The following NOS1 variants were observed in gnomAD, a reference collection of about 807,000 sequenced individuals.
NOS1 encodes nitric oxide synthase 1.
NOS1 carries 51 observed loss-of-function variants against 164.5 expected under a neutral mutation model. That is an observed-to-expected ratio of 0.31 (90% CI 0.25 to 0.39). The LOEUF is 0.39. NOS1 is among the 10% of genes least tolerant of loss of function. The pLI, the probability that NOS1 is intolerant of heterozygous loss-of-function variation, is 1.00. For missense variants in NOS1, 1,362 were observed against 1,885.6 expected (o/e 0.72, Z 5.14); for synonymous variants, 719 against 745.8 (o/e 0.96, Z 0.59).
At chr12:117,275,274 T>TTC (rs58421488) in intron 9 of NOS1, among the ~76,000 whole-genome samples, 2,277 of 150,154 alleles carry the variant, frequency 0.015, 50 homozygotes, top group African/African-American at 0.051. Context: ...TCCAAATTAA[T>TTC]TCTCTCTCTC....
At chr12:117,320,532 A>G (rs1874865104) in intron 2 of NOS1, among the ~76,000 whole-genome samples, 1 of 152,148 alleles carries the variant, frequency 6.6e-6, no homozygotes, top group African/African-American at 2.4e-5. Flanking sequence ...GCCCACTGAG[A>G]CCACTTCAGA....
rs756483191 is a variant in NOS1 at position 117,272,505 on chromosome 12, G to A, written c.1719C>T (p.Ser573=). The part of the protein sequence containing the change: ...GLKWYGLPAV[S]NMLLEIGGLE... ...GGCCGCCAATCTCTAGGAGCATGTTGGACACGGCGGGGAGGCCGTACCACT... is the reference window on the plus strand; with the variant it reads ...GGCCGCCAATCTCTAGGAGCATGTTAGACACGGCGGGGAGGCCGTACCACT... Residue 573 remains serine (S), a synonymous_variant, in exon 10 of 29, where the codon TCC becomes TCT. Coordinates refer to ENST00000317775, the MANE Select transcript of NOS1 (RefSeq NM_000620.5). This position sits in a 1 kb window ranked among gnomAD's most constrained non-coding sequence, Gnocchi z 4.3. 3.1e-6 allele frequency: 5 copies of A among 1,614,166 alleles called. No individual in the cohort carries two copies. In the East Asian group the frequency reaches 1.1e-4, roughly 36 times the overall value.
chr12:117,214,544 T>A lies in NOS1; in HGVS notation c.*765A>T. On this transcript the variant is annotated 3_prime_UTR_variant, in exon 29 of 29. Transcript: ENST00000317775. ...GTCACATGAGGGCTCTGCTCACTGG[T>A]ATCAAAATCTAAATGCAGCAAATTC... The A allele has an allele frequency of 1.0e-6, 1 of 985,400 alleles. No homozygotes were observed. The highest frequency in any genetic ancestry group is 1.2e-6 in the Non-Finnish European group (1 of 829,956). The allele number at this position is 985,400 out of a possible 1,614,324, so 61.0% of individuals were successfully genotyped here.
In NOS1 at chr12:117,226,771, C is replaced by G; in HGVS notation, c.3617-1G>C. 1 of 1,613,244 alleles carries G rather than the reference C, an allele frequency of 6.2e-7. No individual in the cohort carries two copies. Among genetic ancestry groups the G allele is most frequent in the South Asian group, 1.1e-5 (1 of 91,002 alleles). On this transcript the variant is annotated splice_acceptor_variant, in intron 23 of 28. Coordinates refer to ENST00000317775, the MANE Select transcript of NOS1 (RefSeq NM_000620.5). LOFTEE classifies it high-confidence loss of function. ...CCGTGGTGAATTGGTCCTTCTCCATCTAGTAGAATAACCAAGGCAGTCAGG... is the reference window on the plus strand; with the variant it reads ...CCGTGGTGAATTGGTCCTTCTCCATGTAGTAGAATAACCAAGGCAGTCAGG...
intron 16 of NOS1, among the ~76,000 whole-genome samples, chr12:117,255,631 C>T (rs988109218): frequency 5.9e-5 from 9 of 152,170 alleles, no homozygotes; most frequent in South Asian, 2.1e-4. Context: ...AATAACAGCA[C>T]GTGCATTTGT....
chr12:117,237,804 C>T (rs901513531), intron 20 of NOS1, among the ~76,000 whole-genome samples: 1 of 152,124 alleles, frequency 6.6e-6, no homozygotes, highest in Admixed American at 6.5e-5. Context: ...CTGTTCTAGG[C>T]ACTGGTGAGA....
chr12:117,323,467 G>A (rs1175048226), intron 2 of NOS1, among the ~76,000 whole-genome samples: 2 of 152,246 alleles, frequency 1.3e-5, no homozygotes, highest in Non-Finnish European at 2.9e-5. Context: ...TTGGGGTCAA[G>A]TCCTGGCTTT....
intron 2 of NOS1, among the ~76,000 whole-genome samples, chr12:117,321,736 GGTCTGGGAGGA>G (rs1410391038): frequency 1.3e-5 from 2 of 152,122 alleles, no homozygotes; most frequent in Non-Finnish European, 1.5e-5. Context: ...CATCAAGTGT[GGTCTGGGAGGA>G]GTGCTTCTGA....
chr12:117,315,100 T>C (rs540291047), intron 2 of NOS1, among the ~76,000 whole-genome samples: 62 of 151,728 alleles, frequency 4.1e-4, no homozygotes, highest in African/African-American at 1.5e-3. Context: ...ACCATCATTC[T>C]TTTTTTAAAA....
At chr12:117,228,873 CG>C (rs914353789) in intron 22 of NOS1, among the ~76,000 whole-genome samples, 7 of 152,078 alleles carry the variant, frequency 4.6e-5, no homozygotes, top group African/African-American at 1.7e-4. Context: ...CTCCGCCTCC[CG>C]GGGTTCACGC....
intron 26 of NOS1, 76 bp downstream of exon 26, chr12:117,222,639 A>C: frequency 7.3e-7 from 1 of 1,372,436 alleles, no homozygotes; most frequent in Non-Finnish European, 1.0e-6. Flanking sequence ...AGTGAGGGTG[A>C]GGGGTTTCTG....
At position 117,330,363 on chromosome 12, in the gene NOS1, A is replaced by G. The variant is rs763377414; in HGVS notation, c.707T>C (p.Met236Thr). Residue 236 changes from methionine to threonine, a missense_variant, in exon 2 of 29, where the codon ATG becomes ACG. Physicochemically the swap from Met to Thr is moderately conservative, Grantham distance 81. Around this residue, in one of 4 missense-constraint regions of NOS1, gnomAD observed 362 missense variants for 402.0 expected, o/e 0.90. Coordinates refer to ENST00000317775, the MANE Select transcript of NOS1 (RefSeq NM_000620.5). The surrounding 1 kb of genome is among the most constrained non-coding windows in gnomAD (Gnocchi z 4.6). ...GAPAKAEMKD[M>T]GIQVDRDLDG... is the part of the protein sequence containing the mutation. ...AGCTTACCTGTCCACCTGGATTCCC[A>G]TATCTTTCATCTCTGCCTTGGCAGG... is the stretch of plus-strand genomic sequence containing the variant. The G allele has an allele frequency of 1.1e-5, 17 of 1,612,738 alleles. No homozygotes were observed. Among genetic ancestry groups the G allele is most frequent in the Non-Finnish European group, 1.4e-5 (17 of 1,179,294 alleles).
Position 117,247,531 on chromosome 12 carries a change from G to A in NOS1, c.2649-9C>T, listed in dbSNP as rs779530190. 9.6e-5 allele frequency: 154 copies of A among 1,604,862 alleles called. No homozygotes were observed. Among genetic ancestry groups the A allele is most frequent in the Non-Finnish European group, 1.2e-4 (137 of 1,175,666 alleles). On this transcript the variant is annotated splice_polypyrimidine_tract_variant and intron_variant, in intron 17 of 28. Coordinates refer to ENST00000317775, the MANE Select transcript of NOS1 (RefSeq NM_000620.5). ...GGCCAAAAACTGAGAACCTGTCAAG[G>A]AGATGACAGAATGTTCATGCTAAGG... is the stretch of plus-strand genomic sequence containing the variant.
chr12:117,269,114 GA>G, intron 10 of NOS1, among the ~76,000 whole-genome samples: 1 of 152,274 alleles, frequency 6.6e-6, no homozygotes, highest in South Asian at 2.1e-4. Flanking sequence ...ATGGGATGAA[GA>G]GGGATATGGG....
chr12:117,247,955 AAAAAAGAAAAG>A (rs1870764865), intron 17 of NOS1, among the ~76,000 whole-genome samples: 1 of 150,614 alleles, frequency 6.6e-6, no homozygotes, highest in South Asian at 2.1e-4. Flanking sequence ...AAAAAAAAAA[AAAAAAGAAAAG>A]AAAAAGAAAA....
In NOS1 at chr12:117,247,328, G is replaced by C. The variant is rs76408208; in HGVS notation, c.2823+20C>G. ...TGGGGAGCATTACTTTTTCCTGTAG[G>C]TCCATGAGATCCAGATTACCTTGAA... On this transcript the variant is annotated intron_variant, in intron 18 of 28. Coordinates refer to ENST00000317775, the MANE Select transcript of NOS1 (RefSeq NM_000620.5). 1 of 1,566,980 alleles carries C rather than the reference G, an allele frequency of 6.4e-7. No individual in the cohort carries two copies. The highest frequency in any genetic ancestry group is 1.4e-5 in the African/African-American group (1 of 72,964).
At chr12:117,221,318 C>G (rs1473476202) in intron 26 of NOS1, among the ~76,000 whole-genome samples, 2 of 146,882 alleles carry the variant, frequency 1.4e-5, no homozygotes, top group East Asian at 4.0e-4. Context: ...CCACACCTGG[C>G]TTTTTTTTTT....
chr12:117,267,835 T>C (rs1482858293), intron 11 of NOS1, among the ~76,000 whole-genome samples: 2 of 152,114 alleles, frequency 1.3e-5, no homozygotes, highest in East Asian at 3.9e-4. Context: ...CCTGCCACCA[T>C]TTGTTCATCT....
chr12:117,269,360 G>A (rs1426207440), intron 10 of NOS1, among the ~76,000 whole-genome samples: 3 of 152,060 alleles, frequency 2.0e-5, no homozygotes, highest in Non-Finnish European at 4.4e-5. Context: ...TAATTGGTGG[G>A]AGTGAGACAG....
Sources: allele counts gnomAD v4.1 joint callset (sites outside exome capture counted in the v4.1 genomes callset), GRCh38; gene constraint gnomAD v4.1.1; regional missense constraint gnomAD v4.1.1; non-coding constraint Gnocchi (gnomAD v3.1); transcripts MANE v1.5; gene names NCBI Gene and HGNC (gene_info 2026-07-23, HGNC 2026-07-21).